Variants in CACNA1S observed in about 807,000 individuals in gnomAD.
CACNA1S encodes calcium voltage-gated channel subunit alpha1 S.
A neutral mutation model predicts 207.4 loss-of-function variants in CACNA1S; 126 were observed. The ratio of observed to expected loss-of-function variants is 0.61; its 90% confidence interval spans 0.53 to 0.70. The LOEUF is 0.70. Ranked by LOEUF, CACNA1S falls within the 30% of genes least tolerant of loss-of-function variation. The pLI, the probability that CACNA1S is intolerant of heterozygous loss-of-function variation, is 0.00. For synonymous variants in CACNA1S, 960 were observed against 932.7 expected (o/e 1.03, Z -0.53); for missense variants, 2,349 against 2,422.8 (o/e 0.97, Z 0.64).
Position 201,083,326 on chromosome 1 carries a change from A to C in CACNA1S, c.1233-4T>G. ...GTTCCACTGCCTCCAATGTCGGCTG[A>C]GGGAGGGGACAGAGGATGGTCTACA... is the stretch of plus-strand genomic sequence containing the variant. On this transcript the variant is annotated splice_region_variant and splice_polypyrimidine_tract_variant and intron_variant, in intron 9 of 43. Coordinates refer to ENST00000362061, the MANE Select transcript of CACNA1S (RefSeq NM_000069.3). 1 of 1,614,098 alleles carries C rather than the reference A, an allele frequency of 6.2e-7. No individual in the cohort carries two copies. The highest frequency in any genetic ancestry group is 8.5e-7 in the Non-Finnish European group (1 of 1,179,946).
chr1:201,075,443 T>TGC, intron 13 of CACNA1S, 52 bp downstream of exon 13: 1 of 1,597,920 alleles, frequency 6.3e-7, no homozygotes, highest in Non-Finnish European at 8.6e-7. Flanking sequence ...TTAAGCCCTT[T>TGC]CCCCCACCCC....
chr1:201,072,725 C>T, intron 16 of CACNA1S, 30 bp downstream of exon 16: 2 of 1,584,286 alleles, frequency 1.3e-6, no homozygotes, highest in African/African-American at 1.3e-5. Context: ...CCCCAGCACC[C>T]TGCTCCAGTC....
At chr1:201,076,791 G>T (rs1260447183) in intron 12 of CACNA1S, 129 bp downstream of exon 12, 1 of 856,196 alleles carries the variant, frequency 1.2e-6, no homozygotes, top group East Asian at 2.4e-5. Flanking sequence ...GCCCAGAGAA[G>T]GACATTGCAC....
At chr1:201,048,474 T>A (rs7535428) in intron 36 of CACNA1S, 108 bp downstream of exon 36, 2 of 969,618 alleles carry the variant, frequency 2.1e-6, no homozygotes, top group African/African-American at 3.2e-5. Flanking sequence ...CCTCTACTTC[T>A]TCCCACAGTT....
chr1:201,109,317 G>A (rs1663016360), intron 2 of CACNA1S, among the ~76,000 whole-genome samples: 1 of 151,938 alleles, frequency 6.6e-6, no homozygotes, highest in African/African-American at 2.4e-5. Context: ...TATAGATGTG[G>A]GTGACCCTGG....
Position 201,089,422 on chromosome 1 carries a change from C to T in CACNA1S, c.736G>A (p.Ala246Thr), listed in dbSNP as rs779799849. ...CACCGGCGCCCTGAGCCCGTCCTGG[C>T]GCAGGGCGATGGCTCTTCATTCTCC... ...TVENEEPSPC[A>T]RTGSGRRCTI... Residue 246 changes from alanine (A) to threonine (T), a missense_variant, in exon 6 of 44, where the codon GCC (alanine) becomes ACC (threonine). Transcript: ENST00000362061. 17 of 1,613,994 alleles carry T rather than the reference C, an allele frequency of 1.1e-5. No homozygotes were observed. The highest frequency in any genetic ancestry group is 2.7e-5 in the African/African-American group (2 of 74,928).
At chr1:201,082,837 C>T (rs1258889615) in intron 10 of CACNA1S, among the ~76,000 whole-genome samples, 1 of 152,128 alleles carries the variant, frequency 6.6e-6, no homozygotes, top group Non-Finnish European at 1.5e-5. Flanking sequence ...AATTTTATGT[C>T]CAGTGATCTG....
At position 201,069,614 on chromosome 1, in the gene CACNA1S, G is replaced by C; in HGVS notation, c.2361-13C>G. ...CAGGACACGGATCCTGGTGGGGCGA[G>C]GTAGGGAGGGCAGGGGAGCTGTGAG... On this transcript the variant is annotated splice_polypyrimidine_tract_variant and intron_variant, in intron 17 of 43. Coordinates refer to ENST00000362061, the MANE Select transcript of CACNA1S (RefSeq NM_000069.3). The C allele has an allele frequency of 6.4e-7, 1 of 1,551,534 alleles. No homozygotes were observed.
chr1:201,075,403 C>G lies in CACNA1S; in HGVS notation c.1948+92G>C, dbSNP rs1189455500. On this transcript the variant is annotated intron_variant, in intron 13 of 43. Transcript: ENST00000362061. ...CCCCTCCAGCCAGAGGGCCTGGCTACCTAGAAACTGGACACCCTTGACCCC... is the reference window on the plus strand; with the variant it reads ...CCCCTCCAGCCAGAGGGCCTGGCTAGCTAGAAACTGGACACCCTTGACCCC... 3.2e-6 allele frequency: 5 copies of G among 1,542,356 alleles called. No homozygotes were observed. The South Asian group carries it at 5.7e-5, about 18-fold the overall frequency.
chr1:201,061,192 G>T, intron 25 of CACNA1S, 75 bp downstream of exon 25: 1 of 1,369,200 alleles, frequency 7.3e-7, no homozygotes, highest in Non-Finnish European at 1.0e-6. Flanking sequence ...CTCTTCCCTG[G>T]CTGAACCTAG....
intron 28 of CACNA1S, among the ~76,000 whole-genome samples, chr1:201,057,552 C>T (rs957756476): frequency 6.6e-6 from 1 of 152,246 alleles, no homozygotes. Flanking sequence ...ATGCCTGGCA[C>T]ATGGGAGGTA....
chr1:201,087,134 C>T (rs1413148746), intron 7 of CACNA1S, among the ~76,000 whole-genome samples: 1 of 152,148 alleles, frequency 6.6e-6, no homozygotes, highest in Non-Finnish European at 1.5e-5. Flanking sequence ...TCAAAGAGAA[C>T]AGCTCTCATT....
Position 201,077,005 on chromosome 1 carries a change from A to G in CACNA1S, c.1742T>C (p.Phe581Ser), listed in dbSNP as rs756599133. 22 of 1,614,100 alleles carry G rather than the reference A, an allele frequency of 1.4e-5. No individual in the cohort carries two copies. Among genetic ancestry groups the G allele is most frequent in the Non-Finnish European group, 1.8e-5 (21 of 1,180,050 alleles). Residue 581 changes from phenylalanine (F) to serine (S), a missense_variant, in exon 12 of 44, where the codon TTT (phenylalanine) becomes TCT (serine). Transcript: ENST00000362061. ...GTCTTCAAAGTCATACCTCCCCCCA[A>G]AGAGCTGCATGCCCAGGAGGGCGAA... Reference protein sequence around the residue: ...VIFALLGMQLFGGRYDFEDTE... With the variant: ...VIFALLGMQLSGGRYDFEDTE...
chr1:201,059,184 C>G lies in CACNA1S; in HGVS notation c.3525+5G>C. 1.9e-6 allele frequency: 3 copies of G among 1,600,572 alleles called. No homozygotes were observed. The highest frequency in any genetic ancestry group is 2.6e-6 in the Non-Finnish European group (3 of 1,167,800). ...CTCATCTGGCCCGGTGGCCCCCACA[C>G]TCACCCTGGCCTTGAAGGCCATGAG... is the stretch of plus-strand genomic sequence containing the variant. On this transcript the variant is annotated splice_donor_5th_base_variant and intron_variant, in intron 27 of 43. Transcript: ENST00000362061.
At chr1:201,052,743 G>T in intron 31 of CACNA1S, 95 bp from the exon 32 acceptor site, 1 of 1,024,484 alleles carries the variant, frequency 9.8e-7, no homozygotes. Context: ...CCCTACCTTC[G>T]CCCCTACTTC....
intron 2 of CACNA1S, among the ~76,000 whole-genome samples, chr1:201,108,156 A>C (rs1309733253): frequency 4.1e-5 from 6 of 146,626 alleles, no homozygotes; most frequent in African/African-American, 1.5e-4. Flanking sequence ...CTCGGGCTGG[A>C]GTGCAGTGGC....
chr1:201,062,076 A>C lies in CACNA1S; in HGVS notation c.2921T>G (p.Val974Gly), dbSNP rs974247677. 3 of 1,613,888 alleles carry C rather than the reference A, an allele frequency of 1.9e-6. No homozygotes were observed. The highest frequency in any genetic ancestry group is 1.1e-5 in the South Asian group (1 of 91,004). ...TEEECRGYYYVYKDGDPMQIE... is the reference protein window; with the variant it reads ...TEEECRGYYYGYKDGDPMQIE... Reference sequence around the variant, plus strand: ...CTGCATGGGGTCCCCGTCCTTGTACACGTAGTAGTAGCCCCTGTGGCAGGG... The same window carrying C: ...CTGCATGGGGTCCCCGTCCTTGTACCCGTAGTAGTAGCCCCTGTGGCAGGG... The change falls in exon 24 of 44, where the codon GTG (valine) becomes GGG (glycine). Residue 974 changes from valine to glycine, a missense_variant. Transcript: ENST00000362061.
chr1:201,112,183 G>C lies in CACNA1S; in HGVS notation c.152+5C>G, dbSNP rs775426400. ...CCCCCCCACGGCCCGGGCCCTGAAG[G>C]ATACTTCCATTCTACAATGCTGATG... is the stretch of plus-strand genomic sequence containing the variant. On this transcript the variant is annotated splice_donor_5th_base_variant and intron_variant, in intron 1 of 43. Coordinates refer to ENST00000362061, the MANE Select transcript of CACNA1S (RefSeq NM_000069.3). The C allele has an allele frequency of 6.2e-6, 10 of 1,612,858 alleles. No homozygotes were observed. The highest frequency in any genetic ancestry group is 3.3e-5 in the South Asian group (3 of 91,034).
intron 27 of CACNA1S, 77 bp from the exon 28 acceptor site, chr1:201,058,568 G>T: frequency 8.4e-7 from 1 of 1,185,912 alleles, no homozygotes; most frequent in Non-Finnish European, 1.3e-6. Context: ...AGAGGACAGT[G>T]TCCCACCCGA....
Sources: gnomAD v4.1 joint callset for allele counts (sites outside exome capture counted in the v4.1 genomes callset) on GRCh38, gnomAD v4.1.1 for gene constraint, MANE v1.5 for transcripts, NCBI Gene and HGNC (gene_info 2026-07-23, HGNC 2026-07-21) for gene names.